Variants in CCDC73 observed in about 807,000 individuals in gnomAD.
CCDC73 encodes the protein coiled-coil domain-containing protein 73.
Under a neutral mutation model 116.5 loss-of-function variants are expected in CCDC73, and 95 were observed. The ratio of observed to expected loss-of-function variants is 0.82; its 90% CI spans 0.69 to 0.97. The LOEUF is 0.97. Ranked by LOEUF, CCDC73 falls within the 50% of genes least tolerant of loss-of-function variation. The pLI is 0.00. For missense variants in CCDC73, 1,066 were observed against 1,206.8 expected (o/e 0.88, Z 1.73); for synonymous variants, 398 against 401.3 (o/e 0.99, Z 0.10).
At chr11:32,704,725 C>T (rs1279777877) in intron 3 of CCDC73, among the ~76,000 whole-genome samples, 1 of 152,202 alleles carries the variant, frequency 6.6e-6, no homozygotes, top group African/African-American at 2.4e-5. Context: ...TCCTTGATCC[C>T]TTTGGCCAAT....
the CCDC73 span, among the ~76,000 whole-genome samples, chr11:32,815,535 A>C: frequency 6.6e-6 from 1 of 152,202 alleles, no homozygotes; most frequent in Non-Finnish European, 1.5e-5. Context: ...CAGCCTATTC[A>C]TAACCATAAT....
intron 1 of CCDC73, among the ~76,000 whole-genome samples, chr11:32,773,645 C>T (rs1035227574): frequency 2.6e-5 from 4 of 151,712 alleles, no homozygotes; most frequent in Admixed American, 6.6e-5. Context: ...CAAAGTCAGG[C>T]ATGGTGGCAC....
chr11:32,650,635 G>A (rs2133258892), intron 12 of CCDC73, among the ~76,000 whole-genome samples: 1 of 152,252 alleles, frequency 6.6e-6, no homozygotes, highest in Non-Finnish European at 1.5e-5. Flanking sequence ...TCTTATATCA[G>A]AATAGGTGAA....
intron 1 of CCDC73, among the ~76,000 whole-genome samples, chr11:32,769,048 A>T (rs1425541190): frequency 6.6e-6 from 1 of 152,182 alleles, no homozygotes; most frequent in Non-Finnish European, 1.5e-5. Context: ...AAAATTTAAA[A>T]GTTTGACATT....
the CCDC73 span, among the ~76,000 whole-genome samples, chr11:32,819,921 A>G: frequency 5.9e-5 from 9 of 152,308 alleles, no homozygotes; most frequent in East Asian, 1.5e-3. Flanking sequence ...ATATGTATGG[A>G]TGGGAGAAGG....
chr11:32,711,852 A>G (rs1849903211), intron 3 of CCDC73, among the ~76,000 whole-genome samples: 1 of 152,180 alleles, frequency 6.6e-6, no homozygotes. Flanking sequence ...AGCAGTGTAG[A>G]CAAGCCCTTA....
At chr11:32,829,490 C>T in the CCDC73 span, among the ~76,000 whole-genome samples, 15 of 152,202 alleles carry the variant, frequency 9.9e-5, no homozygotes, top group Non-Finnish European at 1.9e-4. Flanking sequence ...AAGGTCATTT[C>T]CATTTCTTAT....
chr11:32,685,261 T>C (rs919649179), intron 6 of CCDC73, among the ~76,000 whole-genome samples: 4 of 84,288 alleles, frequency 4.7e-5, no homozygotes, highest in Non-Finnish European at 8.9e-5. Flanking sequence ...GGTACAACAC[T>C]GGACCAAAAA....
intron 2 of CCDC73, among the ~76,000 whole-genome samples, chr11:32,754,249 G>A (rs1231195125): frequency 6.6e-6 from 1 of 152,084 alleles, no homozygotes; most frequent in African/African-American, 2.4e-5. Context: ...GGAAACTCTA[G>A]AAATGAAAAA....
At chr11:32,728,681 A>G (rs1161593700) in intron 2 of CCDC73, among the ~76,000 whole-genome samples, 1 of 151,434 alleles carries the variant, frequency 6.6e-6, no homozygotes, top group Admixed American at 6.6e-5. Context: ...ATTCATACTG[A>G]TATTTCCAAT....
intron 9 of CCDC73, among the ~76,000 whole-genome samples, chr11:32,668,540 T>C (rs1037838468): frequency 1.0e-5 from 1 of 99,934 alleles, no homozygotes; most frequent in Non-Finnish European, 2.2e-5. Context: ...TAAAAGTAAA[T>C]GGCAAAAAAA....
rs188729987 is a variant in CCDC73, at chr11:32,698,319, C to A, written c.390+932G>T. Among the ~76,000 whole-genome samples, 170 of 152,280 alleles carry A rather than the reference C, an allele frequency of 1.1e-3. 1 individual carries two copies. The highest frequency in any genetic ancestry group is 3.9e-3 in the African/African-American group (161 of 41,560). On this transcript the variant is annotated intron_variant, in intron 6 of 17. Transcript: ENST00000335185. ...GATTACAGGCATGAGCCACCACGCC[C>A]AGCCAACACTGAAGTTTTTTTGAGT...
At chr11:32,620,550 G>T (rs1470776937) in intron 14 of CCDC73, among the ~76,000 whole-genome samples, 1 of 139,836 alleles carries the variant, frequency 7.2e-6, no homozygotes, top group Non-Finnish European at 1.5e-5. Flanking sequence ...GGCGGAGCTT[G>T]CAGTGAGCCA....
chr11:32,613,493 T>C lies in CCDC73; in HGVS notation c.2825A>G (p.Asn942Ser), dbSNP rs1156843297. Residue 942 changes from asparagine to serine, a missense_variant, in exon 16 of 18, where the codon AAC becomes AGC. Physicochemically the swap from Asn to Ser is conservative, Grantham distance 46. Transcript: ENST00000335185. ...LKERPLDPSE[N>S]KKIISMALCK... ...AAGAGCCATTGAAATGATCTTTTTG[T>C]TTTCTGATGGATCTAGTGGTCTCTC... 3 of 1,614,132 alleles carry C rather than the reference T, an allele frequency of 1.9e-6. No individual in the cohort carries two copies. The East Asian group carries it at 6.7e-5, about 36-fold the overall frequency.
intron 17 of CCDC73, among the ~76,000 whole-genome samples, chr11:32,610,475 A>G (rs36071525): frequency 0.067 from 10,190 of 152,314 alleles, 401 homozygotes; most frequent in South Asian, 0.12. Context: ...CATTTTGTAT[A>G]TGCTAAAGAG....
intron 2 of CCDC73, among the ~76,000 whole-genome samples, chr11:32,719,661 A>C (rs1849974057): frequency 6.6e-6 from 1 of 152,232 alleles, no homozygotes; most frequent in Non-Finnish European, 1.5e-5. Context: ...CCCAGAAATT[A>C]GATGTACTAC....
intron 1 of CCDC73, among the ~76,000 whole-genome samples, chr11:32,779,168 C>T (rs549671928): frequency 6.7e-6 from 1 of 150,296 alleles, no homozygotes; most frequent in South Asian, 2.1e-4. Context: ...ACACCTAGGG[C>T]TGGTTGCAAC....
chr11:32,763,568 G>A (rs1367113166), intron 1 of CCDC73, among the ~76,000 whole-genome samples: 4 of 152,120 alleles, frequency 2.6e-5, no homozygotes, highest in Non-Finnish European at 4.4e-5. Context: ...CTGTTAGAAG[G>A]AAAACTAACA....
intron 14 of CCDC73, among the ~76,000 whole-genome samples, chr11:32,625,186 A>C (rs932593230): frequency 3.3e-5 from 5 of 152,102 alleles, no homozygotes; most frequent in African/African-American, 1.2e-4. Flanking sequence ...TGCACGTCAG[A>C]TGGGTTTCCT....
Sources: gnomAD v4.1 joint callset for allele counts (sites outside exome capture counted in the v4.1 genomes callset) on GRCh38, gnomAD v4.1.1 for gene constraint, MANE v1.5 for transcripts, NCBI Gene and HGNC (gene_info 2026-07-23, HGNC 2026-07-21) for gene names.